Variants in CREM observed in about 807,000 individuals in gnomAD.
CREM encodes the protein cAMP-responsive element modulator.
Under a neutral mutation model 37.3 loss-of-function variants are expected in CREM, and 13 were observed. That is an observed-to-expected ratio of 0.35 (90% CI 0.23 to 0.55). The LOEUF is 0.55. Among genes scored for constraint, CREM ranks in the 20% least tolerant of loss-of-function variants. The pLI, the probability that CREM is intolerant of heterozygous loss-of-function variation, is 0.88. For missense variants in CREM, 296 were observed against 362.3 expected (o/e 0.82, Z 1.49); for synonymous variants, 124 against 120.2 (o/e 1.03, Z -0.21).
chr10:35,209,470 G>A (rs965133645), intron 7 of CREM: 8 of 653,588 alleles, frequency 1.2e-5, no homozygotes, highest in African/African-American at 2.0e-5. Flanking sequence ...TGATGTGATC[G>A]GGGAAAGCTT....
intron 6 of CREM, among the ~76,000 whole-genome samples, chr10:35,205,963 A>C (rs987898246): frequency 2.0e-5 from 3 of 151,572 alleles, no homozygotes; most frequent in African/African-American, 7.3e-5. Context: ...TGTCTAAAAA[A>C]AAAAGCCAGG....
At chr10:35,170,193 C>G (rs1198020079) in intron 3 of CREM, among the ~76,000 whole-genome samples, 1 of 152,074 alleles carries the variant, frequency 6.6e-6, no homozygotes, top group African/African-American at 2.4e-5. Flanking sequence ...TCTCTATCTC[C>G]TGAACTCGTG....
At chr10:35,211,075 C>T (rs112100716) in intron 7 of CREM, among the ~76,000 whole-genome samples, 179 bp from the exon 8 acceptor site, 3,561 of 152,192 alleles carry the variant, frequency 0.023, 137 homozygotes, top group African/African-American at 0.082. Context: ...CAAATCATTC[C>T]TGTTGTCTAA....
chr10:35,181,373 A>G (rs116004903), intron 5 of CREM, among the ~76,000 whole-genome samples: 1 of 152,214 alleles, frequency 6.6e-6, no homozygotes, highest in South Asian at 2.1e-4. Context: ...GGCATGAAAC[A>G]GAGAAATTAA....
At chr10:35,142,197 TTTGTGGCTATGTGTATAAG>T (rs2091526845) in intron 2 of CREM, among the ~76,000 whole-genome samples, 1 of 152,066 alleles carries the variant, frequency 6.6e-6, no homozygotes, top group Non-Finnish European at 1.5e-5. Context: ...ATCCAGTGGA[TTTGTGGCTATGTGTATAAG>T]TTGTGAGATG....
chr10:35,128,677 C>T (rs1461587413), intron 1 of CREM, among the ~76,000 whole-genome samples: 1 of 152,054 alleles, frequency 6.6e-6, no homozygotes, highest in African/African-American at 2.4e-5. Context: ...AGGCGCCCGC[C>T]ACCACGCCTG....
chr10:35,189,705 G>A (rs191671689), intron 6 of CREM, among the ~76,000 whole-genome samples: 111 of 152,170 alleles, frequency 7.3e-4, no homozygotes, highest in African/African-American at 2.4e-3. Flanking sequence ...TAGTAGAGAC[G>A]GGGTTTCACC....
At chr10:35,137,105 T>C (rs1469629160) in intron 1 of CREM, among the ~76,000 whole-genome samples, 1 of 152,198 alleles carries the variant, frequency 6.6e-6, no homozygotes, top group East Asian at 1.9e-4. Context: ...TGAGCCACCA[T>C]GTCTGGCTCA....
chr10:35,179,035 A>G (rs770328240), intron 4 of CREM, 49 bp downstream of exon 4: 1 of 1,552,878 alleles, frequency 6.4e-7, no homozygotes, highest in East Asian at 2.3e-5. Context: ...CCAAAATGGT[A>G]GAATAATTAT....
intron 1 of CREM, among the ~76,000 whole-genome samples, chr10:35,132,075 C>G (rs928805537): frequency 6.6e-6 from 1 of 151,908 alleles, no homozygotes; most frequent in Non-Finnish European, 1.5e-5. Flanking sequence ...GTGGCTCGCG[C>G]GTGTAATCCC....
intron 3 of CREM, chr10:35,175,762 A>T (rs897272870): frequency 6.2e-7 from 1 of 1,614,058 alleles, no homozygotes; most frequent in Admixed American, 1.7e-5. Context: ...GAAGTAGGCC[A>T]GTCATATTAG....
intron 3 of CREM, among the ~76,000 whole-genome samples, chr10:35,178,112 A>G (rs1309622309): frequency 6.6e-6 from 1 of 152,160 alleles, no homozygotes; most frequent in Admixed American, 6.5e-5. Flanking sequence ...AGTTTTGTAA[A>G]CTCTGCTACC....
intron 5 of CREM, among the ~76,000 whole-genome samples, chr10:35,183,590 T>C (rs944743760): frequency 5.9e-5 from 9 of 152,224 alleles, no homozygotes; most frequent in Middle Eastern, 6.3e-3. Flanking sequence ...TGCTCTCTTA[T>C]GGTCACTCTG....
At chr10:35,197,159 G>T (rs1279394832) in intron 6 of CREM, among the ~76,000 whole-genome samples, 2 of 151,784 alleles carry the variant, frequency 1.3e-5, no homozygotes, top group African/African-American at 4.8e-5. Context: ...AAACATTTTT[G>T]ACATTTGTTT....
chr10:35,197,614 G>A (rs181429920), intron 6 of CREM, among the ~76,000 whole-genome samples: 9 of 152,022 alleles, frequency 5.9e-5, no homozygotes, highest in East Asian at 1.9e-4. Flanking sequence ...CACCACGCCC[G>A]GCTAATTTTG....
At chr10:35,137,083 G>A (rs116543289) in intron 1 of CREM, among the ~76,000 whole-genome samples, 2,289 of 152,046 alleles carry the variant, frequency 0.015, 58 homozygotes, top group African/African-American at 0.052. Flanking sequence ...CGCAGTGCTG[G>A]GATTACAGGT....
intron 3 of CREM, among the ~76,000 whole-genome samples, chr10:35,154,856 T>A (rs2092801607): frequency 6.6e-6 from 1 of 152,214 alleles, no homozygotes; most frequent in African/African-American, 2.4e-5. Flanking sequence ...ACTGGTGAAC[T>A]GTTAATATTA....
chr10:35,160,973 C>T (rs1230917205), intron 3 of CREM, among the ~76,000 whole-genome samples: 2 of 152,138 alleles, frequency 1.3e-5, no homozygotes, highest in Admixed American at 1.3e-4. Flanking sequence ...ACAGTGCCTT[C>T]TTCTGGATAC....
Position 35,211,462 on chromosome 10 carries a change from G to A in CREM, c.*64G>A. ...AGGAGATGCAGCAGTCCTACTTATT[G>A]CCATGTGGACTTGTGGGAAGGACAC... On this transcript the variant is annotated 3_prime_UTR_variant, in exon 8 of 8. Transcript: ENST00000685392. 6.4e-7 allele frequency: 1 copy of A among 1,567,464 alleles called. No individual in the cohort carries two copies. The highest frequency in any genetic ancestry group is 1.4e-5 in the African/African-American group (1 of 73,618).
Sources: gnomAD v4.1 joint callset for allele counts (sites outside exome capture counted in the v4.1 genomes callset) on GRCh38, gnomAD v4.1.1 for gene constraint, MANE v1.5 for transcripts, NCBI Gene and HGNC (gene_info 2026-07-23, HGNC 2026-07-21) for gene names.